Variants in TOX observed in about 807,000 individuals in gnomAD.
The protein encoded by TOX is thymocyte selection-associated high mobility group box protein TOX.
In TOX, 11 loss-of-function variants were observed where a neutral mutation model predicts 53.7. That is an observed-to-expected ratio of 0.20 (90% CI 0.13 to 0.34). TOX has a LOEUF of 0.34. Among genes scored for constraint, TOX ranks in the 10% least tolerant of loss-of-function variants. TOX has a pLI of 1.00. For missense variants in TOX, 570 were observed against 664.6 expected, an observed-to-expected ratio of 0.86 and a Z score of 1.56; for synonymous variants, 225 against 245.3, an observed-to-expected ratio of 0.92 and a Z score of 0.77.
chr8:59,014,027 C>T (rs1342980650), intron 1 of TOX, among the ~76,000 whole-genome samples: 4 of 152,126 alleles, frequency 2.6e-5, no homozygotes, highest in African/African-American at 9.7e-5. Context: ...TAGACATTTT[C>T]ATAAGGGGTA....
intron 7 of TOX, among the ~76,000 whole-genome samples, chr8:58,814,092 G>A (rs759821021): frequency 3.9e-5 from 6 of 152,142 alleles, no homozygotes; most frequent in Non-Finnish European, 5.9e-5. Flanking sequence ...AAGAGGTGGT[G>A]TATTAAAAGC....
intron 1 of TOX, among the ~76,000 whole-genome samples, chr8:59,053,068 G>T (rs984675555): frequency 1.3e-5 from 2 of 152,076 alleles, no homozygotes; most frequent in Non-Finnish European, 2.9e-5. Context: ...GGATGCCCTT[G>T]ACATTTCTTG....
intron 6 of TOX, among the ~76,000 whole-genome samples, chr8:58,816,026 G>T (rs976974619): frequency 3.3e-5 from 5 of 152,184 alleles, no homozygotes; most frequent in African/African-American, 7.2e-5. Context: ...TTTGTGGAGG[G>T]TGGGGGACGG....
At chr8:59,018,806 A>C (rs1392198766) in intron 1 of TOX, among the ~76,000 whole-genome samples, 1 of 152,032 alleles carries the variant, frequency 6.6e-6, no homozygotes, top group Non-Finnish European at 1.5e-5. Flanking sequence ...GATTAAAAAA[A>C]CCCCTAAATT....
intron 1 of TOX, among the ~76,000 whole-genome samples, chr8:59,080,950 T>A (rs1185831960): frequency 6.6e-6 from 1 of 152,210 alleles, no homozygotes; most frequent in Admixed American, 6.5e-5. Flanking sequence ...TGGTCGGTGT[T>A]CACCTGTGTG....
At chr8:59,067,783 G>T (rs914917012) in intron 1 of TOX, among the ~76,000 whole-genome samples, 3 of 151,708 alleles carry the variant, frequency 2.0e-5, no homozygotes, top group Non-Finnish European at 4.4e-5. Flanking sequence ...GTTAAAAAAC[G>T]AAGACTCCAT....
intron 2 of TOX, among the ~76,000 whole-genome samples, chr8:58,948,082 C>A (rs1812553807): frequency 6.6e-6 from 1 of 152,118 alleles, no homozygotes; most frequent in Admixed American, 6.5e-5. Context: ...GGAGTGACAC[C>A]AGAACACGAG....
chr8:59,071,623 T>A (rs1276705931), intron 1 of TOX, among the ~76,000 whole-genome samples: 6 of 152,174 alleles, frequency 3.9e-5, no homozygotes, highest in Admixed American at 3.9e-4. Context: ...TTGGTCACCA[T>A]AATGCCCTAT....
chr8:58,843,931 T>C (rs1293602280), intron 4 of TOX, among the ~76,000 whole-genome samples: 2 of 152,180 alleles, frequency 1.3e-5, no homozygotes, highest in African/African-American at 4.8e-5. Context: ...CAGTAACGGA[T>C]GCACTTTGAA....
At chr8:58,972,097 T>C (rs1012653890) in intron 1 of TOX, among the ~76,000 whole-genome samples, 1 of 152,224 alleles carries the variant, frequency 6.6e-6, no homozygotes, top group African/African-American at 2.4e-5. Flanking sequence ...AAATCACCAA[T>C]TAAATGAAAA....
intron 3 of TOX, among the ~76,000 whole-genome samples, chr8:58,889,570 A>G (rs1356863229): frequency 6.6e-6 from 1 of 152,130 alleles, no homozygotes; most frequent in Non-Finnish European, 1.5e-5. Flanking sequence ...TGAATGTTTT[A>G]CTAACTCAAA....
chr8:59,019,768 A>G (rs1216428298), intron 1 of TOX, among the ~76,000 whole-genome samples: 4 of 152,198 alleles, frequency 2.6e-5, no homozygotes, highest in Admixed American at 2.6e-4. Flanking sequence ...GAGTATGCAT[A>G]ATATGTGTGT....
intron 1 of TOX, among the ~76,000 whole-genome samples, chr8:59,029,600 G>T (rs1278073951): frequency 6.6e-6 from 1 of 152,156 alleles, no homozygotes; most frequent in Non-Finnish European, 1.5e-5. Flanking sequence ...GAGAAATGGA[G>T]AAAATGTAGA....
chr8:58,927,531 C>T (rs1812185025), intron 3 of TOX, among the ~76,000 whole-genome samples: 4 of 152,306 alleles, frequency 2.6e-5, no homozygotes, highest in Middle Eastern at 6.8e-3. Context: ...AATCGCACCT[C>T]CCACCTCCTG....
At chr8:58,922,059 T>C (rs1208751098) in intron 3 of TOX, among the ~76,000 whole-genome samples, 1 of 152,212 alleles carries the variant, frequency 6.6e-6, no homozygotes, top group Non-Finnish European at 1.5e-5. Flanking sequence ...GGCCTGACAA[T>C]AGCTAAGGCA....
chr8:58,936,823 C>G (rs901204517), intron 3 of TOX, among the ~76,000 whole-genome samples: 1 of 152,170 alleles, frequency 6.6e-6, no homozygotes, highest in African/African-American at 2.4e-5. Flanking sequence ...ATGCTAGAAT[C>G]AACATCATTA....
intron 2 of TOX, among the ~76,000 whole-genome samples, chr8:58,944,127 G>C (rs1812487390): frequency 6.6e-6 from 1 of 152,144 alleles, no homozygotes; most frequent in Non-Finnish European, 1.5e-5. Flanking sequence ...AGAGAGTCGC[G>C]AGGTGTTGCT....
chr8:58,808,019 C>G (rs1810009823), intron 8 of TOX, 99 bp downstream of exon 8: 3 of 1,485,018 alleles, frequency 2.0e-6, no homozygotes, highest in African/African-American at 2.8e-5. Context: ...GTGAAACTAT[C>G]CCGGATCATG....
chr8:58,887,418 C>A (rs2129171477), intron 3 of TOX, among the ~76,000 whole-genome samples: 1 of 151,972 alleles, frequency 6.6e-6, no homozygotes, highest in East Asian at 1.9e-4. Flanking sequence ...GCCATTTATA[C>A]ATGCTGCTGT....
Sources: gnomAD v4.1 joint callset for allele counts (sites outside exome capture counted in the v4.1 genomes callset) on GRCh38, gnomAD v4.1.1 for gene constraint, MANE v1.5 for transcripts, NCBI Gene and HGNC (gene_info 2026-07-23, HGNC 2026-07-21) for gene names.